INF2: variants seen among roughly 807,000 people sequenced by gnomAD.
INF2 encodes inverted formin-2.
A neutral mutation model predicts 123.5 loss-of-function variants in INF2; 43 were observed. The ratio of observed to expected loss-of-function variants is 0.35; its 90% CI spans 0.27 to 0.45. The LOEUF (loss-of-function observed/expected upper bound fraction) is 0.45, where lower values mean the gene tolerates loss of function less well. Ranked by LOEUF, INF2 falls within the 20% of genes least tolerant of loss-of-function variation. The probability of loss-of-function intolerance (pLI) is 1.00; values close to 1 mark genes in which losing one functional copy is unlikely to be tolerated. For synonymous variants in INF2, 851 were observed against 745.0 expected (o/e 1.14, Z -2.32); for missense variants, 1,453 against 1,682.7 (o/e 0.86, Z 2.39).
chr14:104,684,144 T>A lies in INF2; in HGVS notation c.-104+2562T>A. ...CAAAGCTGAGCGGCTCTCCCCATCATGCAAGTAACCTGCGTGCCGCCACGG... is the reference window on the plus strand; with the variant it reads ...CAAAGCTGAGCGGCTCTCCCCATCAAGCAAGTAACCTGCGTGCCGCCACGG... On this transcript the variant is annotated intron_variant, in intron 1 of 2. Transcript: ENST00000674723. This position sits in a 1 kb window ranked among gnomAD's most constrained non-coding sequence, Gnocchi z 5.0. 2.2e-6 allele frequency: 1 copy of A among 455,734 alleles called. No homozygotes were observed. Among genetic ancestry groups the A allele is most frequent in the Non-Finnish European group, 4.4e-6 (1 of 226,644 alleles). 28.2% of individuals were successfully genotyped at this position (455,734 alleles called of 1,614,324 possible).
chr14:104,709,549 G>C, intron 11 of INF2, 71 bp from the exon 12 acceptor site: 1 of 1,444,918 alleles, frequency 6.9e-7, no homozygotes, highest in Non-Finnish European at 9.7e-7. Flanking sequence ...GAGGGGCTGA[G>C]CCCGGCGGGC....
Position 104,699,689 on chromosome 14 carries a change from C to T in INF2, c.-9-1668C>T. The T allele has an allele frequency of 2.9e-6, 2 of 685,340 alleles. No individual in the cohort carries two copies. Among genetic ancestry groups the T allele is most frequent in the Non-Finnish European group, 3.6e-6 (2 of 555,884 alleles). The allele number at this position is 685,340 out of a possible 1,614,324, so 42.5% of individuals were successfully genotyped here. A position where few individuals can be genotyped will look rare whatever the true frequency, so the allele number is the denominator to read the frequency against. On this transcript the variant is annotated intron_variant, in intron 1 of 22. Coordinates refer to ENST00000392634, the MANE Select transcript of INF2 (RefSeq NM_022489.4). The surrounding 1 kb of genome is among the most constrained non-coding windows in gnomAD (Gnocchi z 4.7). ...CACCGGGGGCTCCGGGCTCTCCGTT[C>T]TACAGTGCCCAGACCAGGACCCCCT...
chr14:104,707,898 A>G lies in INF2; in HGVS notation c.1631A>G (p.His544Arg), dbSNP rs1889861980. The G allele has an allele frequency of 1.2e-6, 2 of 1,604,432 alleles. No homozygotes were observed. Among genetic ancestry groups the G allele is most frequent in the Non-Finnish European group, 1.7e-6 (2 of 1,179,574 alleles). Residue 544 changes from histidine to arginine, a missense_variant, in exon 8 of 23, where the codon CAT becomes CGT. Transcript: ENST00000392634. The part of the protein sequence containing the change: ...MEEVIVAQVD[H>R]GLGSAWVPSH... ...GAGGTCATCGTGGCCCAGGTGGACC[A>G]TGGCTTGGGCTCAGCATGGGTCCCC...
chr14:104,704,005 C>T, intron 5 of INF2, 56 bp downstream of exon 5: 1 of 1,603,504 alleles, frequency 6.2e-7, no homozygotes. Context: ...CAAGGCCAGG[C>T]CCACCTGCCC....
At chr14:104,708,792 C>T in intron 10 of INF2, 60 bp downstream of exon 10, 6 of 1,555,484 alleles carry the variant, frequency 3.9e-6, no homozygotes, top group Non-Finnish European at 4.4e-6. Context: ...CCTGAGCCTT[C>T]TGACTTGGGC....
Position 104,703,336 on chromosome 14 carries a change from C to T in INF2, c.549C>T (p.Asn183=), listed in dbSNP as rs1555373624. ...AGTACCGCTTCAGCATTGTCATGAA[C>T]GAGCTCTCCGGCAGCGACAACGTGC... ...SQQYRFSIVM[N]ELSGSDNVPY... The change falls in exon 4 of 23, where the codon AAC becomes AAT. Residue 183 remains asparagine (N), a synonymous_variant. Coordinates refer to ENST00000392634, the MANE Select transcript of INF2 (RefSeq NM_022489.4). The T allele has an allele frequency of 1.1e-5, 17 of 1,613,006 alleles. No individual in the cohort carries two copies. The highest frequency in any genetic ancestry group is 1.6e-4 in the Middle Eastern group (1 of 6,084).
Position 104,722,210 on chromosome 14 carries a change from T to G in INF2, c.*3417T>G, listed in dbSNP as rs1026079480. The G allele has an allele frequency of 6.6e-6, 1 of 152,214 alleles. No individual in the cohort carries two copies. The highest frequency in any genetic ancestry group is 2.1e-4 in the South Asian group (1 of 4,836). 9.4% of individuals were successfully genotyped at this position (152,214 alleles called of 1,614,324 possible). A position where few individuals can be genotyped will look rare whatever the true frequency, so the allele number is the denominator to read the frequency against. On this transcript the variant is annotated 3_prime_UTR_variant, in exon 23 of 23. Transcript: ENST00000392634. ...CTGTTGGGCCTGGGCAGGACTGTTT[T>G]TAGAAAAGCCCCAACTCCCTGCCCC...
At chr14:104,695,497 A>G (rs981272613) in intron 1 of INF2, among the ~76,000 whole-genome samples, 3 of 144,012 alleles carry the variant, frequency 2.1e-5, no homozygotes, top group Non-Finnish European at 4.6e-5. Context: ...GCACACCCTC[A>G]GTGCAGGTGG....
In INF2 at chr14:104,719,029, C is replaced by T; in HGVS notation, c.*236C>T. 1.0e-6 allele frequency: 1 copy of T among 993,050 alleles called. No homozygotes were observed. Among genetic ancestry groups the T allele is most frequent in the Non-Finnish European group, 1.4e-6 (1 of 714,812 alleles). The allele number at this position is 993,050 out of a possible 1,614,324, so 61.5% of individuals were successfully genotyped here. A position where few individuals can be genotyped will look rare whatever the true frequency, so the allele number is the denominator to read the frequency against. On this transcript the variant is annotated 3_prime_UTR_variant, in exon 23 of 23. Coordinates refer to ENST00000392634, the MANE Select transcript of INF2 (RefSeq NM_022489.4). ...GCCCTCCTGGACCGCCTGCACGTGC[C>T]AGCCTCCCACCTGCTTCCTAAAGGC... is the stretch of plus-strand genomic sequence containing the variant.
At chr14:104,702,621 G>A (rs1323618891) in intron 2 of INF2, among the ~76,000 whole-genome samples, 2 of 152,250 alleles carry the variant, frequency 1.3e-5, no homozygotes, top group African/African-American at 4.8e-5. Context: ...GGACCCAGGG[G>A]ACAGAGGCAG....
Position 104,682,124 on chromosome 14 carries a change from A to G in INF2, c.-104+542A>G, listed in dbSNP as rs368908553. On this transcript the variant is annotated intron_variant, in intron 1 of 2. Coordinates refer to the INF2 transcript ENST00000674723. ...ACAGCCAGTGTATGTGGAGTCAGAT[A>G]GGGGTTTGGGGTTTGGGGTTATTTT... Among the ~76,000 whole-genome samples the G allele has an allele frequency of 5.9e-5, 9 of 152,266 alleles. No homozygotes were observed. The East Asian group carries it at 7.7e-4, about 13-fold the overall frequency.
In INF2 at chr14:104,714,708, G is replaced by A. The variant is rs1890210806; in HGVS notation, c.3546G>A (p.Glu1182=). The A allele has an allele frequency of 6.2e-7, 1 of 1,609,972 alleles. No individual in the cohort carries two copies. The highest frequency in any genetic ancestry group is 1.3e-5 in the African/African-American group (1 of 74,972). ...AGGACGAGGAGGACACGGCCCCAGA[G>A]TCCGCACTGGACACATCCCTGGACA... ...EDEDEEDTAP[E]SALDTSLDKS... is the part of the protein sequence containing the mutation. The change falls in exon 21 of 23, where the codon GAG becomes GAA. Residue 1182 remains glutamate, a synonymous_variant. Transcript: ENST00000392634.
At position 104,707,921 on chromosome 14, in the gene INF2, C is replaced by A; in HGVS notation, c.1654C>A (p.Pro552Thr). The A allele has an allele frequency of 6.2e-7, 1 of 1,602,032 alleles. No individual in the cohort carries two copies. The highest frequency in any genetic ancestry group is 8.5e-7 in the Non-Finnish European group (1 of 1,179,714). ...VDHGLGSAWV[P>T]SHRRVNPPTL... Reference sequence around the variant, plus strand: ...CCATGGCTTGGGCTCAGCATGGGTCCCCAGCCATCGGCGGGTGAACCCACC... The same window carrying A: ...CCATGGCTTGGGCTCAGCATGGGTCACCAGCCATCGGCGGGTGAACCCACC... Residue 552 changes from proline to threonine, a missense_variant, in exon 8 of 23, where the codon CCC becomes ACC. Coordinates refer to ENST00000392634, the MANE Select transcript of INF2 (RefSeq NM_022489.4).
chr14:104,681,309 G>A (rs532143079), exon 1 of INF2: 10 of 404,794 alleles, frequency 2.5e-5, no homozygotes, highest in Non-Finnish European at 4.0e-5. Context: ...CACTGCCAGC[G>A]AAAGGTGAAA....
chr14:104,713,709 C>T, intron 20 of INF2, 103 bp downstream of exon 20: 1 of 1,294,654 alleles, frequency 7.7e-7, no homozygotes, highest in Admixed American at 2.2e-5. Flanking sequence ...CTCTCCTCTC[C>T]CTGGGCCACC....
In INF2 at chr14:104,714,205, G is replaced by A; in HGVS notation, c.3043G>A (p.Ala1015Thr). ...MDPPRATEPV[A>T]TSNPAGDPVG... Reference sequence around the variant, plus strand: ...CACTGGTGTGTCCCTCCATCCAGTGGCCACCAGTAACCCTGCAGGAGATCC... The same window carrying A: ...CACTGGTGTGTCCCTCCATCCAGTGACCACCAGTAACCCTGCAGGAGATCC... The change falls in exon 21 of 23, where the codon GCC becomes ACC. Residue 1015 changes from alanine to threonine, a missense_variant and splice_region_variant. This residue lies in a region of INF2 where 344 missense variants were observed against 333.1 expected (regional missense o/e 1.03). Coordinates refer to ENST00000392634, the MANE Select transcript of INF2 (RefSeq NM_022489.4). 1.3e-6 allele frequency: 2 copies of A among 1,520,828 alleles called. No individual in the cohort carries two copies. Among genetic ancestry groups the A allele is most frequent in the Non-Finnish European group, 1.8e-6 (2 of 1,135,310 alleles). The allele number at this position is 1,520,828 out of a possible 1,614,324, so 94.2% of individuals were successfully genotyped here. A position where few individuals can be genotyped will look rare whatever the true frequency, so the allele number is the denominator to read the frequency against.
Position 104,705,077 on chromosome 14 carries a change from G to A in INF2, c.702-958G>A, listed in dbSNP as rs1314487593. Among the ~76,000 whole-genome samples, 4 of 152,352 alleles carry A rather than the reference G, an allele frequency of 2.6e-5. No individual in the cohort carries two copies. The South Asian group carries it at 6.2e-4, about 24-fold the overall frequency. ...ACTCAGGGGGGTGTCCTTACACCCA[G>A]GGAAATCAGCTTGGAGGAGCCCAGG... On this transcript the variant is annotated intron_variant, in intron 5 of 22. Transcript: ENST00000392634.
intron 8 of INF2, chr14:104,708,205 C>T (rs1490036603): frequency 1.4e-5 from 13 of 903,472 alleles, no homozygotes; most frequent in East Asian, 1.1e-4. Context: ...CTCTGAGGAC[C>T]CCCCTCCACA....
Position 104,711,273 on chromosome 14 carries a change from C to T in INF2, c.2418+87C>T, listed in dbSNP as rs144223942. 9.3e-4 allele frequency: 1,070 copies of T among 1,156,422 alleles called. 18 individuals are homozygous for T. In the East Asian group the frequency reaches 0.023, roughly 24 times the overall value. 71.6% of individuals were successfully genotyped at this position (1,156,422 alleles called of 1,614,324 possible). On this transcript the variant is annotated intron_variant, in intron 15 of 22. Coordinates refer to ENST00000392634, the MANE Select transcript of INF2 (RefSeq NM_022489.4). ...GAGGCGTAGAGGCCATACCCCCATG[C>T]CCACCACTCAGGCCGCCGGTCTCCC...
Sources: allele counts gnomAD v4.1 joint callset (sites outside exome capture counted in the v4.1 genomes callset), GRCh38; gene constraint gnomAD v4.1.1; regional missense constraint gnomAD v4.1.1; non-coding constraint Gnocchi (gnomAD v3.1); transcripts MANE v1.5; gene names NCBI Gene and HGNC (gene_info 2026-07-23, HGNC 2026-07-21).